The following TERB1 variants were observed in gnomAD, a reference collection of about 807,000 sequenced individuals.
The protein encoded by TERB1 is telomere repeats-binding bouquet formation protein 1.
A neutral mutation model predicts 92.3 loss-of-function variants in TERB1; 63 were observed. The observed-to-expected ratio is 0.68, with a 90% CI of 0.56 to 0.84. TERB1 has a LOEUF of 0.84. Ranked by LOEUF, TERB1 falls within the 40% of genes least tolerant of loss-of-function variation. TERB1 has a pLI of 0.00. For missense variants in TERB1, 709 were observed against 843.7 expected (o/e 0.84, Z 1.98); for synonymous variants, 252 against 283.9 (o/e 0.89, Z 1.13).
At chr16:66,760,873 G>A (rs1227230696) in intron 16 of TERB1, among the ~76,000 whole-genome samples, 1 of 145,730 alleles carries the variant, frequency 6.9e-6, no homozygotes, top group Non-Finnish European at 1.5e-5. Flanking sequence ...CAGCACTTTG[G>A]GAGGCTGAGG....
chr16:66,757,877 A>C (rs2018163381), intron 18 of TERB1, among the ~76,000 whole-genome samples: 1 of 152,230 alleles, frequency 6.6e-6, no homozygotes, highest in Non-Finnish European at 1.5e-5. Flanking sequence ...CCTATAGTTA[A>C]ATAAAAATTC....
intron 2 of TERB1, among the ~76,000 whole-genome samples, chr16:66,799,052 T>C (rs374968622): frequency 5.9e-5 from 9 of 152,334 alleles, no homozygotes; most frequent in East Asian, 1.9e-4. Context: ...TTTGAACAAA[T>C]GGGTTAAGAT....
intron 9 of TERB1, 25 bp downstream of exon 9, chr16:66,785,761 G>A: frequency 1.3e-6 from 2 of 1,498,454 alleles, no homozygotes; most frequent in Admixed American, 2.4e-5. Context: ...CTTCAACTAT[G>A]ACCTAGAAAA....
intron 13 of TERB1, among the ~76,000 whole-genome samples, chr16:66,771,228 TTAAGA>T (rs574089054): frequency 7.0e-4 from 106 of 152,294 alleles, no homozygotes; most frequent in African/African-American, 2.3e-3. Flanking sequence ...TTCATCCCAC[TTAAGA>T]TAAATAAATA....
chr16:66,778,385 C>T (rs2018583924), intron 10 of TERB1, among the ~76,000 whole-genome samples: 1 of 149,800 alleles, frequency 6.7e-6, no homozygotes, highest in African/African-American at 2.5e-5. Flanking sequence ...AGGTGTGAGC[C>T]ACCACACACA....
chr16:66,788,238 A>C lies in TERB1; in HGVS notation c.331T>G (p.Ser111Ala). ...ELFEDLTWFL[S>A]NDSNINLKRM... ...TTCAAATTTATGTTTGAATCATTAG[A>C]TAAGAACCAAGTTAAGTCTTCAAAC... Residue 111 changes from serine to alanine, a missense_variant, in exon 6 of 19, where the codon TCT becomes GCT. Transcript: ENST00000433154. 6.6e-7 allele frequency: 1 copy of C among 1,514,024 alleles called. No homozygotes were observed. Among genetic ancestry groups the C allele is most frequent in the Non-Finnish European group, 8.8e-7 (1 of 1,131,286 alleles). The allele number at this position is 1,514,024 out of a possible 1,614,324, so 93.8% of individuals were successfully genotyped here. A position where few individuals can be genotyped will look rare whatever the true frequency, so the allele number is the denominator to read the frequency against.
Position 66,786,052 on chromosome 16 carries a change from C to A in TERB1, c.539G>T (p.Cys180Phe). ...GTTGACACAGACACACAGAGTACTA[C>A]ACACTGAAGACCACAACTGATAACT... ...FQSYQLWSSV[C>F]STLCVCVNNP... Residue 180 changes from cysteine (C) to phenylalanine (F), a missense_variant, in exon 8 of 19, where the codon TGT becomes TTT. Transcript: ENST00000433154. 1 of 1,551,766 alleles carries A rather than the reference C, an allele frequency of 6.4e-7. No homozygotes were observed. The highest frequency in any genetic ancestry group is 8.7e-7 in the Non-Finnish European group (1 of 1,146,870).
upstream of TERB1, among the ~76,000 whole-genome samples, chr16:66,801,793 T>C (rs1024391765): frequency 2.6e-5 from 4 of 152,224 alleles, no homozygotes; most frequent in African/African-American, 9.6e-5. Flanking sequence ...TTAGGGTTTT[T>C]ACCTCAGACG....
intron 9 of TERB1, among the ~76,000 whole-genome samples, chr16:66,785,179 C>T (rs897001839): frequency 2.6e-5 from 4 of 151,768 alleles, no homozygotes; most frequent in African/African-American, 9.7e-5. Flanking sequence ...GCCACCATGC[C>T]CAGCTAATTG....
chr16:66,792,851 C>G (rs1412186680), intron 3 of TERB1, among the ~76,000 whole-genome samples: 4 of 151,866 alleles, frequency 2.6e-5, no homozygotes, highest in Admixed American at 1.3e-4. Flanking sequence ...CATAGAAAAG[C>G]TATAATACAG....
Position 66,790,407 on chromosome 16 carries a change from CGAAAG to C in TERB1, c.271+183_271+187del, listed in dbSNP as rs1046117924. On this transcript the variant is annotated intron_variant, in intron 5 of 18. Transcript: ENST00000433154. ...GGAAAGGAACGGAAAGGAAAGGAAACGAAAGGAAAGGAAAGGAAGGAAAGAGAGAG... is the reference window on the plus strand; with the variant it reads ...GGAAAGGAACGGAAAGGAAAGGAAACGAAAGGAAAGGAAGGAAAGAGAGAG... 5.2e-5 allele frequency among the ~76,000 whole-genome samples: 6 copies of C among 115,150 alleles called. No individual in the cohort carries two copies. In the South Asian group the frequency reaches 7.9e-4, roughly 15 times the overall value. The allele number at this position is 115,150 out of a possible 152,430, so 75.5% of individuals were successfully genotyped here. A position where few individuals can be genotyped will look rare whatever the true frequency, so the allele number is the denominator to read the frequency against.
intron 10 of TERB1, among the ~76,000 whole-genome samples, chr16:66,778,203 A>G (rs1020030521): frequency 6.6e-6 from 1 of 152,220 alleles, no homozygotes; most frequent in African/African-American, 2.4e-5. Context: ...TATTCTTTAC[A>G]TAAATTGGGT....
chr16:66,793,224 T>G (rs912387023), intron 3 of TERB1, among the ~76,000 whole-genome samples: 1 of 142,632 alleles, frequency 7.0e-6, no homozygotes, highest in Non-Finnish European at 1.5e-5. Context: ...TTTTTTTTTT[T>G]TTTTTTTTTT....
chr16:66,770,040 T>C lies in TERB1; in HGVS notation c.1542A>G (p.Leu514=). 2 of 1,551,808 alleles carry C rather than the reference T, an allele frequency of 1.3e-6. No homozygotes were observed. The highest frequency in any genetic ancestry group is 1.7e-6 in the Non-Finnish European group (2 of 1,146,990). ...CYRESEQNKT[L]YKAKSSCNQN... ...GATTGCAGCTTGACTTGGCTTTATA[T>C]AAAGTCTTATTTTGCTCACTCTCCC... Residue 514 remains leucine (L), a synonymous_variant, in exon 14 of 19, where the codon TTA becomes TTG. Coordinates refer to ENST00000433154, the MANE Select transcript of TERB1 (RefSeq NM_001136505.2).
chr16:66,791,415 C>T (rs912067983), intron 3 of TERB1, among the ~76,000 whole-genome samples: 2 of 151,946 alleles, frequency 1.3e-5, no homozygotes, highest in Admixed American at 6.6e-5. Context: ...TCAATGACAT[C>T]GGCTCCCACC....
intron 14 of TERB1, among the ~76,000 whole-genome samples, chr16:66,769,394 C>G (rs1365018408): frequency 6.6e-6 from 1 of 152,090 alleles, no homozygotes; most frequent in Non-Finnish European, 1.5e-5. Context: ...TTCCCAAGTA[C>G]AGTAACCAAC....
chr16:66,771,698 GTATT>G (rs1365625799), intron 13 of TERB1, among the ~76,000 whole-genome samples: 3 of 151,274 alleles, frequency 2.0e-5, no homozygotes, highest in Non-Finnish European at 4.4e-5. Flanking sequence ...TGTGTAGCAG[GTATT>G]TAGAGTTGTT....
In TERB1 at chr16:66,770,074, G is replaced by C. The variant is rs1266068913; in HGVS notation, c.1508C>G (p.Ala503Gly). ...ATTTTGCTCACTCTCCCTGTAACAA[G>C]CATGGACTGGATTTGCGCTCTTTAA... is the stretch of plus-strand genomic sequence containing the variant. ...TPLKSANPVHACYRESEQNKT... is the reference protein window; with the variant it reads ...TPLKSANPVHGCYRESEQNKT... The change falls in exon 14 of 19, where the codon GCT (alanine) becomes GGT (glycine). Residue 503 changes from alanine to glycine, a missense_variant. Ala to Gly is a moderately conservative substitution (Grantham distance 60, BLOSUM62 0). Coordinates refer to ENST00000433154, the MANE Select transcript of TERB1 (RefSeq NM_001136505.2). The C allele has an allele frequency of 1.3e-6, 2 of 1,551,752 alleles. No homozygotes were observed. The highest frequency in any genetic ancestry group is 2.7e-5 in the African/African-American group (2 of 73,040).
intron 12 of TERB1, among the ~76,000 whole-genome samples, chr16:66,774,879 T>A (rs899222484): frequency 2.6e-5 from 4 of 151,966 alleles, no homozygotes; most frequent in African/African-American, 9.7e-5. Context: ...TATTTTTTTA[T>A]AGAGACAGAG....
Sources: allele counts gnomAD v4.1 joint callset (sites outside exome capture counted in the v4.1 genomes callset), GRCh38; gene constraint gnomAD v4.1.1; transcripts MANE v1.5; gene names NCBI Gene and HGNC (gene_info 2026-07-23, HGNC 2026-07-21).